MMP21: variants seen among roughly 807,000 people sequenced by gnomAD.
MMP21 encodes matrix metallopeptidase 21.
In MMP21, 40 loss-of-function variants were observed where a neutral mutation model predicts 47.8. The ratio of observed to expected loss-of-function variants is 0.84; its 90% confidence interval spans 0.65 to 1.09. The LOEUF (loss-of-function observed/expected upper bound fraction) is 1.09, where lower values mean the gene tolerates loss of function less well. Ranked by LOEUF, MMP21 falls within the 50% of genes least tolerant of loss-of-function variation. The pLI, the probability that MMP21 is intolerant of heterozygous loss-of-function variation, is 0.00. For synonymous variants in MMP21, 341 were observed against 318.0 expected, an observed-to-expected ratio of 1.07 and a Z score of -0.77; for missense variants, 747 against 775.3, an observed-to-expected ratio of 0.96 and a Z score of 0.43.
Position 125,770,463 on chromosome 10 carries a change from G to A in MMP21, c.1108C>T (p.Arg370Ter), listed in dbSNP as rs752375826. Residue 370 changes from arginine to a stop codon, truncating the protein, a stop_gained, in exon 5 of 7, where the codon CGA becomes TGA. Transcript: ENST00000368808. LOFTEE classifies it high-confidence loss of function. Reference sequence around the variant, plus strand: ...TCCCCATAGCGTGTCCTATTGTTTCGATTTTCATAAAGCCAGTACCAGCTG... The same window carrying A: ...TCCCCATAGCGTGTCCTATTGTTTCAATTTTCATAAAGCCAGTACCAGCTG... ...RNSWYWLYEN[R>*]NNRTRYGDPI... 1.1e-5 allele frequency: 17 copies of A among 1,614,020 alleles called. No individual in the cohort carries two copies. Among genetic ancestry groups the A allele is most frequent in the East Asian group, 8.9e-5 (4 of 44,894 alleles).
Position 125,775,172 on chromosome 10 carries a change from T to C in MMP21, c.162+488A>G, listed in dbSNP as rs1052514043. ...CACCACGACTCTCTGGAGGAGGGGA[T>C]CGCCTGCATTGGACCTCCTGGGTGC... On this transcript the variant is annotated intron_variant, in intron 1 of 6. Coordinates refer to ENST00000368808, the MANE Select transcript of MMP21 (RefSeq NM_147191.1). 2.0e-5 allele frequency among the ~76,000 whole-genome samples: 3 copies of C among 152,192 alleles called. No individual in the cohort carries two copies. In the East Asian group the frequency reaches 5.8e-4, roughly 29 times the overall value.
rs1262015242 is a variant in MMP21, at chr10:125,772,071, T to C, written c.979+147A>G. On this transcript the variant is annotated intron_variant, in intron 4 of 6. Coordinates refer to ENST00000368808, the MANE Select transcript of MMP21 (RefSeq NM_147191.1). This position sits in a 1 kb window ranked among gnomAD's most constrained non-coding sequence, Gnocchi z 5.6. ...AACTGAGAGAATGGCATCAGGGAGC[T>C]AGAGGGTGGCTACCCTTGGGTGACA... 6.6e-6 allele frequency: 6 copies of C among 907,224 alleles called. No homozygotes were observed. The East Asian group carries it at 7.5e-5, about 11-fold the overall frequency. The allele number at this position is 907,224 out of a possible 1,614,324, so 56.2% of individuals were successfully genotyped here.
At position 125,767,684 on chromosome 10, in the gene MMP21, CA is replaced by C; in HGVS notation, c.1257del (p.Tyr419Ter). 1.2e-6 allele frequency: 2 copies of C among 1,614,148 alleles called. No homozygotes were observed. Among genetic ancestry groups the C allele is most frequent in the Non-Finnish European group, 1.7e-6 (2 of 1,180,020 alleles). On this transcript the variant is annotated frameshift_variant, in exon 6 of 7. Transcript: ENST00000368808. LOFTEE classifies it high-confidence loss of function. ...YFFQGNQYWR[Y>X]DSDKDQALTE... ...GTGAGGGCCTGATCCTTGTCACTGT[CA>C]TATCTCCAGTATTGATTTCCTGAGA...
At position 125,775,675 on chromosome 10, in the gene MMP21, G is replaced by T; in HGVS notation, c.147C>A (p.Asp49Glu). The change falls in exon 1 of 7, where the codon GAC becomes GAA. Residue 49 changes from aspartate (D) to glutamate (E), a missense_variant. Coordinates refer to ENST00000368808, the MANE Select transcript of MMP21 (RefSeq NM_147191.1). ...TTCCTCCTACCTGAGCAGCGTGGAG[G>T]TCGGCAATGGGCTTGGCCTGGCGCA... ...SPLRQAKPIADLHAAQRFLSR... is the reference protein window; with the variant it reads ...SPLRQAKPIAELHAAQRFLSR... 1.2e-6 allele frequency: 2 copies of T among 1,608,972 alleles called. No homozygotes were observed. The highest frequency in any genetic ancestry group is 2.2e-5 in the East Asian group (1 of 44,514).
intron 5 of MMP21, among the ~76,000 whole-genome samples, chr10:125,769,320 T>A (rs1013233748): frequency 6.6e-6 from 1 of 152,184 alleles, no homozygotes; most frequent in African/African-American, 2.4e-5. Context: ...AACACTGACC[T>A]TCCATGTTGA....
chr10:125,774,119 G>T lies in MMP21; in HGVS notation c.409C>A (p.Pro137Thr). Residue 137 changes from proline (P) to threonine (T), a missense_variant, in exon 2 of 7, where the codon CCC (proline) becomes ACC (threonine). Pro to Thr is a conservative substitution (Grantham distance 38). Transcript: ENST00000368808. ...PSAPPSPPGP[P>T]PRARSRRSPR... ...GAGCGCCTGGAGCGGGCTCTGGGGG[G>T]CGGGCCCGGGGGCGAAGGCGGGGCG... 2.3e-6 allele frequency: 3 copies of T among 1,313,564 alleles called. No individual in the cohort carries two copies. The highest frequency in any genetic ancestry group is 1.9e-6 in the Non-Finnish European group (2 of 1,037,288). The allele number at this position is 1,313,564 out of a possible 1,614,324, so 81.4% of individuals were successfully genotyped here. A position where few individuals can be genotyped will look rare whatever the true frequency, so the allele number is the denominator to read the frequency against.
intron 5 of MMP21, 99 bp downstream of exon 5, chr10:125,770,235 A>G: frequency 8.1e-7 from 1 of 1,237,226 alleles, no homozygotes; most frequent in Non-Finnish European, 1.1e-6. Flanking sequence ...AAGTAATGAC[A>G]AGAGCATTAC....
At chr10:125,767,739 T>G (rs371000186) in intron 5 of MMP21, 35 bp from the exon 6 acceptor site, 2 of 1,604,092 alleles carry the variant, frequency 1.2e-6, no homozygotes, top group Admixed American at 1.7e-5. Context: ...ATGTGGTTTA[T>G]TACTATTAAA....
At position 125,775,647 on chromosome 10, in the gene MMP21, A is replaced by G; in HGVS notation, c.162+13T>C. The G allele has an allele frequency of 6.3e-7, 1 of 1,591,214 alleles. No individual in the cohort carries two copies. Among genetic ancestry groups the G allele is most frequent in the Non-Finnish European group, 8.6e-7 (1 of 1,167,254 alleles). On this transcript the variant is annotated intron_variant, in intron 1 of 6. Coordinates refer to ENST00000368808, the MANE Select transcript of MMP21 (RefSeq NM_147191.1). ...GGCCTGGGGGTATTGCTGTTCTTCCAGCTTCCTCCTACCTGAGCAGCGTGG... is the reference window on the plus strand; with the variant it reads ...GGCCTGGGGGTATTGCTGTTCTTCCGGCTTCCTCCTACCTGAGCAGCGTGG...
chr10:125,775,714 C>T lies in MMP21; in HGVS notation c.108G>A (p.Leu36=). 7 of 1,613,554 alleles carry T rather than the reference C, an allele frequency of 4.3e-6. No homozygotes were observed. The highest frequency in any genetic ancestry group is 5.9e-6 in the Non-Finnish European group (7 of 1,179,716). The change falls in exon 1 of 7, where the codon CTG becomes CTA. Residue 36 remains leucine, a synonymous_variant. Coordinates refer to ENST00000368808, the MANE Select transcript of MMP21 (RefSeq NM_147191.1). ...TGGCCTGGCGCAGTGGGGACGGCTCCAGGTCCGAGCGGTCCCGGCTGTGGA... is the reference window on the plus strand; with the variant it reads ...TGGCCTGGCGCAGTGGGGACGGCTCTAGGTCCGAGCGGTCCCGGCTGTGGA... ...SLFHSRDRSD[L]EPSPLRQAKP... is the part of the protein sequence containing the mutation.
chr10:125,766,656 T>C lies in MMP21; in HGVS notation c.*6A>G, dbSNP rs767054422. On this transcript the variant is annotated 3_prime_UTR_variant, in exon 7 of 7. Coordinates refer to ENST00000368808, the MANE Select transcript of MMP21 (RefSeq NM_147191.1). Reference sequence around the variant, plus strand: ...CCTATGACCCTCCATTTCCTACTTTTTCTTATTACATGTTCAGTGTGGAGA... The same window carrying C: ...CCTATGACCCTCCATTTCCTACTTTCTCTTATTACATGTTCAGTGTGGAGA... 1.9e-6 allele frequency: 3 copies of C among 1,577,634 alleles called. No homozygotes were observed. In the South Asian group the frequency reaches 3.6e-5, roughly 19 times the overall value.
chr10:125,775,799 C>T lies in MMP21; in HGVS notation c.23G>A (p.Arg8His), dbSNP rs1337690341. 4 of 1,611,110 alleles carry T rather than the reference C, an allele frequency of 2.5e-6. No individual in the cohort carries two copies. Among genetic ancestry groups the T allele is most frequent in the Admixed American group, 1.7e-5 (1 of 59,720 alleles). Residue 8 changes from arginine (R) to histidine (H), a missense_variant, in exon 1 of 7, where the codon CGT (arginine) becomes CAT (histidine). Physicochemically the swap from Arg to His is conservative, Grantham distance 29. Transcript: ENST00000368808. MLAASIFRPTLLLCWLAA... is the reference protein window; with the variant it reads MLAASIFHPTLLLCWLAA... Reference sequence around the variant, plus strand: ...CAGCCAGCAGAGCAGCAGTGTCGGACGGAAGATGGAGGCGGCGAGCATTGG... The same window carrying T: ...CAGCCAGCAGAGCAGCAGTGTCGGATGGAAGATGGAGGCGGCGAGCATTGG...
At position 125,772,796 on chromosome 10, in the gene MMP21, C is replaced by T. The variant is rs1199914926; in HGVS notation, c.698-46G>A. The T allele has an allele frequency of 1.9e-6, 3 of 1,597,850 alleles. No individual in the cohort carries two copies. The highest frequency in any genetic ancestry group is 2.6e-6 in the Non-Finnish European group (3 of 1,171,784). On this transcript the variant is annotated intron_variant, in intron 2 of 6. Transcript: ENST00000368808. The surrounding 1 kb of genome is among the most constrained non-coding windows in gnomAD (Gnocchi z 5.6). Reference sequence around the variant, plus strand: ...TTGGTCCCGGTGAAGGATGAGTGCCCCCCATACAGACTCCTCACCTAGGGG... The same window carrying T: ...TTGGTCCCGGTGAAGGATGAGTGCCTCCCATACAGACTCCTCACCTAGGGG...
chr10:125,770,542 C>G lies in MMP21; in HGVS notation c.1029G>C (p.Glu343Asp), dbSNP rs762510689. 19 of 1,614,160 alleles carry G rather than the reference C, an allele frequency of 1.2e-5. No individual in the cohort carries two copies. Among genetic ancestry groups the G allele is most frequent in the Middle Eastern group, 1.6e-4 (1 of 6,062 alleles). The change falls in exon 5 of 7, where the codon GAG becomes GAC. Residue 343 changes from glutamate to aspartate, a missense_variant. Physicochemically the swap from Glu to Asp is conservative, Grantham distance 45 (BLOSUM62 2). Transcript: ENST00000368808. ...FDTAFDWIRK[E>D]RNQYGEVMVR... ...CCATCACCTCTCCATATTGGTTTCT[C>G]TCTTTGCGAATCCAGTCAAACGCAG...
chr10:125,767,802 A>G, intron 5 of MMP21, 98 bp from the exon 6 acceptor site: 6 of 1,214,696 alleles, frequency 4.9e-6, no homozygotes, highest in Non-Finnish European at 7.0e-6. Context: ...ATCCTGTACA[A>G]TGTGTTGCCA....
intron 4 of MMP21, among the ~76,000 whole-genome samples, chr10:125,770,849 C>CAA (rs5788714): frequency 1.2e-3 from 121 of 98,120 alleles, no homozygotes; most frequent in Non-Finnish European, 2.1e-3. Flanking sequence ...CCAGTGTCTA[C>CAA]AAAAAAAAAA....
chr10:125,770,254 C>G (rs1850430687), intron 5 of MMP21, 80 bp downstream of exon 5: 3 of 1,441,694 alleles, frequency 2.1e-6, no homozygotes, highest in South Asian at 1.2e-5. Flanking sequence ...ACAACAGATT[C>G]CTTGGTAGGG....
At chr10:125,771,902 C>T (rs936438156) in intron 4 of MMP21, among the ~76,000 whole-genome samples, 11 of 152,120 alleles carry the variant, frequency 7.2e-5, no homozygotes, top group Non-Finnish European at 1.6e-4. Context: ...CCAGTGTGTG[C>T]GTCTCTGGTG....
At chr10:125,768,622 A>T (rs777835705) in intron 5 of MMP21, among the ~76,000 whole-genome samples, 5 of 152,236 alleles carry the variant, frequency 3.3e-5, no homozygotes, top group Non-Finnish European at 7.3e-5. Context: ...TGTGACGTTC[A>T]TCCAGTTAGA....
Sources: gnomAD v4.1 joint callset for allele counts (sites outside exome capture counted in the v4.1 genomes callset) on GRCh38, gnomAD v4.1.1 for gene constraint, Gnocchi (gnomAD v3.1) non-coding constraint, MANE v1.5 for transcripts, NCBI Gene and HGNC (gene_info 2026-07-23, HGNC 2026-07-21) for gene names.